The following NRP2 variants were observed in gnomAD, a reference collection of about 807,000 sequenced individuals.
The protein encoded by NRP2 is neuropilin-2.
A neutral mutation model predicts 110.4 loss-of-function variants in NRP2; 52 were observed. The observed-to-expected ratio is 0.47, with a 90% CI of 0.38 to 0.59. The LOEUF is 0.59. Among genes scored for constraint, NRP2 ranks in the 20% least tolerant of loss-of-function variants. NRP2 has a pLI of 0.00. For missense variants in NRP2, 1,049 were observed against 1,203.0 expected (o/e 0.87, Z 1.89); for synonymous variants, 508 against 468.9 (o/e 1.08, Z -1.08).
At chr2:205,767,665 T>C in intron 15 of NRP2, 1 of 255,682 alleles carries the variant, frequency 3.9e-6, no homozygotes, top group South Asian at 3.5e-5. Flanking sequence ...TTGCCCTCTT[T>C]GCAAACCTAT....
intron 12 of NRP2, among the ~76,000 whole-genome samples, chr2:205,761,193 T>C (rs1473893370): frequency 6.6e-6 from 1 of 152,242 alleles, no homozygotes; most frequent in African/African-American, 2.4e-5. Context: ...TCATTTCCAA[T>C]GTATAGCCTC....
intron 7 of NRP2, among the ~76,000 whole-genome samples, chr2:205,737,172 C>A (rs747822415): frequency 1.3e-5 from 2 of 152,200 alleles, no homozygotes; most frequent in African/African-American, 4.8e-5. Context: ...AAGGTATAGT[C>A]GCCCTGTGAA....
At chr2:205,708,921 T>C (rs1376102009) in intron 2 of NRP2, among the ~76,000 whole-genome samples, 1 of 152,156 alleles carries the variant, frequency 6.6e-6, no homozygotes, top group African/African-American at 2.4e-5. Context: ...CCCAAACAAA[T>C]ACAGAGTTTG....
At position 205,753,126 on chromosome 2, in the gene NRP2, C is replaced by A. The variant is rs557570907; in HGVS notation, c.2044+151C>A. The A allele has an allele frequency of 8.4e-6, 9 of 1,074,512 alleles. No individual in the cohort carries two copies. The African/African-American group carries it at 1.2e-4, about 15-fold the overall frequency. 66.6% of individuals were successfully genotyped at this position (1,074,512 alleles called of 1,614,324 possible). Reference sequence around the variant, plus strand: ...AAACCACCACAGTCTTTGCTCAAGACGTCACCTCAAAGAATAGCCAGTTGG... The same window carrying A: ...AAACCACCACAGTCTTTGCTCAAGAAGTCACCTCAAAGAATAGCCAGTTGG... On this transcript the variant is annotated intron_variant, in intron 12 of 16. Coordinates refer to ENST00000357785, the MANE Select transcript of NRP2 (RefSeq NM_003872.3).
At chr2:205,753,681 C>T (rs1217596032) in intron 12 of NRP2, among the ~76,000 whole-genome samples, 1 of 152,186 alleles carries the variant, frequency 6.6e-6, no homozygotes, top group Non-Finnish European at 1.5e-5. Flanking sequence ...GCTTTCACAG[C>T]AGTATGATGG....
At chr2:205,762,160 T>C (rs977624359) in intron 12 of NRP2, 1 of 152,218 alleles carries the variant, frequency 6.6e-6, no homozygotes, top group Admixed American at 6.5e-5. Flanking sequence ...TGTAGACAGA[T>C]GTGGCTTTGG....
At chr2:205,721,877 C>T (rs1183476188) in intron 3 of NRP2, among the ~76,000 whole-genome samples, 1 of 152,154 alleles carries the variant, frequency 6.6e-6, no homozygotes, top group Non-Finnish European at 1.5e-5. Context: ...CAGAGCAGCT[C>T]GTTTTAATAT....
In NRP2 at chr2:205,683,360, C is replaced by A. The variant is rs764371530; in HGVS notation, c.70C>A (p.Pro24Thr). Residue 24 changes from proline to threonine, a missense_variant, in exon 1 of 17, where the codon CCA becomes ACA. By Grantham distance (38) the Pro-to-Thr change is conservative (BLOSUM62 -1). Coordinates refer to ENST00000357785, the MANE Select transcript of NRP2 (RefSeq NM_003872.3). ...TTCAAGACACCAAGTGAGAGGCCAA[C>A]CAGGTAAGCCACTGAAAGTTTTTCT... The part of the protein sequence containing the change: ...YFSRHQVRGQ[P>T]DPPCGGRLNS... The A allele has an allele frequency of 6.2e-7, 1 of 1,611,348 alleles. No homozygotes were observed. Among genetic ancestry groups the A allele is most frequent in the Non-Finnish European group, 8.5e-7 (1 of 1,177,462 alleles).
intron 10 of NRP2, among the ~76,000 whole-genome samples, chr2:205,749,038 T>A (rs1365633641): frequency 6.6e-6 from 1 of 152,202 alleles, no homozygotes; most frequent in African/African-American, 2.4e-5. Flanking sequence ...TAGGGATTTT[T>A]GCTTTCTTGT....
intron 10 of NRP2, among the ~76,000 whole-genome samples, chr2:205,747,444 A>G (rs1024111109): frequency 3.9e-5 from 6 of 152,210 alleles, no homozygotes; most frequent in Admixed American, 2.0e-4. Flanking sequence ...AAATACTTAG[A>G]CTACTGCCTG....
At chr2:205,747,401 T>TC (rs1231476735) in intron 10 of NRP2, among the ~76,000 whole-genome samples, 6 of 152,082 alleles carry the variant, frequency 3.9e-5, no homozygotes, top group Admixed American at 6.5e-5. Flanking sequence ...CCCCATAGGG[T>TC]CATTGTGAGG....
chr2:205,697,933 T>C (rs2056470101), intron 2 of NRP2: 3 of 616,922 alleles, frequency 4.9e-6, no homozygotes, highest in East Asian at 5.6e-5. Flanking sequence ...AAGAGCCTTC[T>C]TGAGTGAAAA....
rs528152861 is a variant in NRP2 at position 205,696,069 on chromosome 2, G to A, written c.74-1475G>A. Among the ~76,000 whole-genome samples, 9 of 152,276 alleles carry A rather than the reference G, an allele frequency of 5.9e-5. No individual in the cohort carries two copies. The South Asian group carries it at 1.9e-3, about 32-fold the overall frequency. On this transcript the variant is annotated intron_variant, in intron 1 of 16. Coordinates refer to ENST00000357785, the MANE Select transcript of NRP2 (RefSeq NM_003872.3). ...ATGGACCTGAATTCATTCCATTCTGGGCAGTTCAATACGGCACAGTTTGAG... is the reference window on the plus strand; with the variant it reads ...ATGGACCTGAATTCATTCCATTCTGAGCAGTTCAATACGGCACAGTTTGAG...
Position 205,763,926 on chromosome 2 carries a change from T to C in NRP2, c.2297T>C (p.Met766Thr), listed in dbSNP as rs778911017. 1.1e-5 allele frequency: 17 copies of C among 1,614,086 alleles called. No homozygotes were observed. The Middle Eastern group carries it at 2.3e-3, about 219-fold the overall frequency. The change falls in exon 13 of 17, where the codon ATG becomes ACG. Residue 766 changes from methionine (M) to threonine (T), a missense_variant. Met to Thr is a moderately conservative substitution (Grantham distance 81). Transcript: ENST00000357785. The surrounding 1 kb of genome is among the most constrained non-coding windows in gnomAD (Gnocchi z 4.0). Reference protein sequence around the residue: ...HGRIILPSYDMEYQIVFEGVI... With the variant: ...HGRIILPSYDTEYQIVFEGVI... ...CGGATCATCCTGCCCAGCTACGACA[T>C]GGAGTACCAGGTGGGGTGAGCAAAA...
At chr2:205,731,417 G>A (rs548607736) in intron 7 of NRP2, among the ~76,000 whole-genome samples, 23 of 152,302 alleles carry the variant, frequency 1.5e-4, no homozygotes, top group African/African-American at 5.5e-4. Flanking sequence ...CGCATGGAGA[G>A]CAATGGGAAG....
At chr2:205,751,926 G>A (rs924351602) in intron 11 of NRP2, among the ~76,000 whole-genome samples, 4 of 152,074 alleles carry the variant, frequency 2.6e-5, no homozygotes, top group Admixed American at 6.5e-5. Flanking sequence ...CTTTCCCCAC[G>A]TCCACACCAC....
intron 9 of NRP2, 64 bp downstream of exon 9, chr2:205,743,616 G>A: frequency 1.3e-6 from 2 of 1,583,168 alleles, no homozygotes; most frequent in Non-Finnish European, 1.7e-6. Context: ...GTGGTACAGG[G>A]AGTTGAGACT....
intron 2 of NRP2, among the ~76,000 whole-genome samples, chr2:205,715,318 C>T (rs2056872951): frequency 6.6e-6 from 1 of 152,108 alleles, no homozygotes; most frequent in Non-Finnish European, 1.5e-5. Flanking sequence ...GAGGTGCCTG[C>T]TTCCCAGCCC....
chr2:205,703,922 ATAC>A (rs1000706972), intron 2 of NRP2, among the ~76,000 whole-genome samples: 1 of 152,152 alleles, frequency 6.6e-6, no homozygotes, highest in Non-Finnish European at 1.5e-5. Context: ...TGCCTGAGCA[ATAC>A]TATTTAATTG....
Sources: gnomAD v4.1 joint callset for allele counts (sites outside exome capture counted in the v4.1 genomes callset) on GRCh38, gnomAD v4.1.1 for gene constraint, Gnocchi (gnomAD v3.1) non-coding constraint, MANE v1.5 for transcripts, NCBI Gene and HGNC (gene_info 2026-07-23, HGNC 2026-07-21) for gene names.